The following SH3GL2 variants were observed in gnomAD, a reference collection of about 807,000 sequenced individuals.
SH3GL2 encodes the protein SH3 domain containing GRB2 like 2, endophilin A1.
SH3GL2 carries 24 observed loss-of-function variants against 46.0 expected under a neutral mutation model. That is an observed-to-expected ratio of 0.52 (90% CI 0.38 to 0.73). The LOEUF (loss-of-function observed/expected upper bound fraction) is 0.73. Among genes scored for constraint, SH3GL2 ranks in the 30% least tolerant of loss-of-function variants. SH3GL2 has a pLI of 0.00. For missense variants in SH3GL2, 413 were observed against 424.2 expected (o/e 0.97, Z 0.23); for synonymous variants, 196 against 147.1 (o/e 1.33, Z -2.40).
chr9:17,701,531 G>A (rs778215871), intron 1 of SH3GL2, among the ~76,000 whole-genome samples: 21 of 152,060 alleles, frequency 1.4e-4, no homozygotes, highest in Non-Finnish European at 2.5e-4. Flanking sequence ...AATAATTACC[G>A]TCATTCGATG....
At chr9:17,647,122 G>A (rs1025131665) in intron 1 of SH3GL2, among the ~76,000 whole-genome samples, 5 of 152,184 alleles carry the variant, frequency 3.3e-5, no homozygotes, top group South Asian at 4.1e-4. Flanking sequence ...GCTTTGTGGC[G>A]CTCAAAATTC....
intron 4 of SH3GL2, among the ~76,000 whole-genome samples, chr9:17,786,814 C>G (rs1243409104): frequency 1.3e-5 from 2 of 151,980 alleles, no homozygotes; most frequent in African/African-American, 4.8e-5. Context: ...GTGTTTCTGG[C>G]AGTCATTGAG....
chr9:17,706,426 C>T (rs1368042538), intron 1 of SH3GL2, among the ~76,000 whole-genome samples: 1 of 152,018 alleles, frequency 6.6e-6, no homozygotes, highest in Non-Finnish European at 1.5e-5. Flanking sequence ...CTTTCCTGTC[C>T]TCTCAGTTGT....
intron 1 of SH3GL2, among the ~76,000 whole-genome samples, chr9:17,617,856 C>A (rs776335452): frequency 1.3e-5 from 2 of 151,960 alleles, no homozygotes; most frequent in Non-Finnish European, 2.9e-5. Context: ...TGTTTGTGAG[C>A]GCGAGAGAAG....
At chr9:17,618,976 A>G (rs1197659812) in intron 1 of SH3GL2, among the ~76,000 whole-genome samples, 1 of 152,192 alleles carries the variant, frequency 6.6e-6, no homozygotes, top group East Asian at 1.9e-4. Context: ...TTAAATTCCA[A>G]AAATGACATA....
At chr9:17,774,722 A>T (rs1168218175) in intron 3 of SH3GL2, among the ~76,000 whole-genome samples, 1 of 152,184 alleles carries the variant, frequency 6.6e-6, no homozygotes, top group Non-Finnish European at 1.5e-5. Flanking sequence ...TTTTCACAAC[A>T]ATGATCGTAA....
chr9:17,612,434 A>C (rs1450837734), intron 1 of SH3GL2, among the ~76,000 whole-genome samples: 1 of 152,136 alleles, frequency 6.6e-6, no homozygotes, highest in African/African-American at 2.4e-5. Context: ...TCTCAGACCT[A>C]AGAGTCATAA....
Position 17,768,015 on chromosome 9 carries a change from A to G in SH3GL2, c.187+6506A>G, listed in dbSNP as rs764801563. 5.1e-4 allele frequency among the ~76,000 whole-genome samples: 78 copies of G among 152,194 alleles called. 1 individual carries two copies. The highest frequency in any genetic ancestry group is 1.3e-4 in the Non-Finnish European group (9 of 68,026). On this transcript the variant is annotated intron_variant, in intron 3 of 8. Coordinates refer to ENST00000380607, the MANE Select transcript of SH3GL2 (RefSeq NM_003026.5). ...TTTTAAGTCAGCTAGAACTGGTGGA[A>G]TAATGATATTCTTTACTTGTGTGTC... is the stretch of plus-strand genomic sequence containing the variant.
chr9:17,580,005 C>G (rs977154477), intron 1 of SH3GL2, among the ~76,000 whole-genome samples: 4 of 152,130 alleles, frequency 2.6e-5, no homozygotes, highest in African/African-American at 9.7e-5. Flanking sequence ...TTTAATAAAT[C>G]TTTGGCATCT....
intron 1 of SH3GL2, among the ~76,000 whole-genome samples, chr9:17,691,155 T>G (rs1821067274): frequency 6.6e-6 from 1 of 152,142 alleles, no homozygotes; most frequent in Non-Finnish European, 1.5e-5. Context: ...GCCATTTAGT[T>G]TTTGTGTTTC....
chr9:17,624,662 T>G (rs1242018145), intron 1 of SH3GL2, among the ~76,000 whole-genome samples: 1 of 152,226 alleles, frequency 6.6e-6, no homozygotes, highest in Non-Finnish European at 1.5e-5. Context: ...CCTGTGTCCA[T>G]GTGGCATGTT....
chr9:17,624,503 TA>T (rs1485156462), intron 1 of SH3GL2, among the ~76,000 whole-genome samples: 3 of 137,404 alleles, frequency 2.2e-5, no homozygotes, highest in African/African-American at 8.1e-5. Flanking sequence ...CATTCTGCTC[TA>T]AGCAAGAGTC....
intron 1 of SH3GL2, among the ~76,000 whole-genome samples, chr9:17,610,884 T>A (rs1338711773): frequency 2.0e-5 from 3 of 152,172 alleles, no homozygotes; most frequent in African/African-American, 7.2e-5. Flanking sequence ...TATTTAGTAA[T>A]CTCGTTTTTA....
intron 3 of SH3GL2, among the ~76,000 whole-genome samples, chr9:17,765,925 G>A (rs1020833630): frequency 1.3e-5 from 2 of 152,240 alleles, no homozygotes; most frequent in Admixed American, 6.5e-5. Flanking sequence ...TTGACTGTCA[G>A]TGTCTAATGT....
intron 1 of SH3GL2, among the ~76,000 whole-genome samples, chr9:17,691,928 A>C (rs929995794): frequency 6.6e-6 from 1 of 152,134 alleles, no homozygotes; most frequent in Non-Finnish European, 1.5e-5. Flanking sequence ...TTTTCAGCCA[A>C]CAGAAGAAAT....
intron 3 of SH3GL2, among the ~76,000 whole-genome samples, chr9:17,782,004 C>G (rs533376439): frequency 4.6e-5 from 7 of 152,264 alleles, no homozygotes; most frequent in Admixed American, 3.9e-4. Flanking sequence ...CTGCACCTCA[C>G]TTCTTTCAGA....
intron 1 of SH3GL2, among the ~76,000 whole-genome samples, chr9:17,620,718 T>C (rs1241801314): frequency 2.0e-5 from 3 of 152,056 alleles, no homozygotes; most frequent in African/African-American, 7.2e-5. Context: ...ACATGGTGAT[T>C]GAATGTGGAG....
intron 1 of SH3GL2, among the ~76,000 whole-genome samples, chr9:17,730,967 T>C (rs10810837): frequency 0.2 from 29,671 of 152,120 alleles, 3,565 homozygotes; most frequent in East Asian, 0.38. Context: ...ACGGGATGTT[T>C]TTATTAGCAG....
At chr9:17,738,584 A>AGAGAGG (rs1423488979) in intron 1 of SH3GL2, among the ~76,000 whole-genome samples, 13 of 138,254 alleles carry the variant, frequency 9.4e-5, no homozygotes, top group Admixed American at 9.4e-4. Context: ...ATAGAGAGAG[A>AGAGAGG]GAGAGAGAGA....
Sources: allele counts gnomAD v4.1 joint callset (sites outside exome capture counted in the v4.1 genomes callset), GRCh38; gene constraint gnomAD v4.1.1; transcripts MANE v1.5; gene names NCBI Gene and HGNC (gene_info 2026-07-23, HGNC 2026-07-21).